ADGRV1: variants seen among roughly 807,000 people sequenced by gnomAD.
The protein encoded by ADGRV1 is adhesion G protein-coupled receptor V1.
In ADGRV1, 359 loss-of-function variants were observed where a neutral mutation model predicts 596.2. The observed-to-expected ratio is 0.60, with a 90% CI of 0.55 to 0.66. ADGRV1 has a LOEUF of 0.66. Among genes scored for constraint, ADGRV1 ranks in the 30% least tolerant of loss-of-function variants. The pLI is 0.00. For missense variants in ADGRV1, 7,274 were observed against 7,575.6 expected (o/e 0.96, Z 1.48); for synonymous variants, 2,681 against 2,679.2 (o/e 1.00, Z -0.02).
chr5:91,083,090 T>G (rs1789545090), intron 86 of ADGRV1, among the ~76,000 whole-genome samples: 1 of 152,060 alleles, frequency 6.6e-6, no homozygotes, highest in Middle Eastern at 3.2e-3. Context: ...GAATCATAAA[T>G]TTCTTTAAAA....
intron 87 of ADGRV1, among the ~76,000 whole-genome samples, chr5:91,120,126 T>C (rs1793179911): frequency 6.6e-6 from 1 of 152,192 alleles, no homozygotes; most frequent in African/African-American, 2.4e-5. Context: ...GCAAACTCCT[T>C]TGTCTACAAA....
chr5:90,838,943 CAT>C (rs1216560159), intron 77 of ADGRV1, among the ~76,000 whole-genome samples: 1 of 152,162 alleles, frequency 6.6e-6, no homozygotes, highest in African/African-American at 2.4e-5. Flanking sequence ...TGCTTCTACT[CAT>C]GTGTATTTCT....
At chr5:91,143,185 C>T (rs1476972780) in intron 87 of ADGRV1, among the ~76,000 whole-genome samples, 1 of 152,216 alleles carries the variant, frequency 6.6e-6, no homozygotes, top group African/African-American at 2.4e-5. Flanking sequence ...TTGGAAATGC[C>T]AGGACCTGCA....
intron 85 of ADGRV1, among the ~76,000 whole-genome samples, chr5:91,014,086 C>A (rs1195544014): frequency 6.9e-6 from 1 of 145,134 alleles, no homozygotes; most frequent in African/African-American, 2.6e-5. Flanking sequence ...TATACCAGTA[C>A]CATGCTGTTT....
At chr5:90,996,619 C>G (rs1781442485) in intron 85 of ADGRV1, among the ~76,000 whole-genome samples, 1 of 152,158 alleles carries the variant, frequency 6.6e-6, no homozygotes, top group African/African-American at 2.4e-5. Flanking sequence ...GGGACACTGC[C>G]TAGTGGAGCT....
intron 84 of ADGRV1, among the ~76,000 whole-genome samples, chr5:90,968,392 C>G (rs550002016): frequency 5.9e-5 from 9 of 152,074 alleles, no homozygotes; most frequent in South Asian, 4.2e-4. Flanking sequence ...AAGATTTCAC[C>G]CAAGTTAATG....
chr5:90,894,428 G>T (rs1190567291), intron 83 of ADGRV1, among the ~76,000 whole-genome samples: 1 of 152,182 alleles, frequency 6.6e-6, no homozygotes, highest in Non-Finnish European at 1.5e-5. Flanking sequence ...CATATAAAAT[G>T]AGTAGGTGAA....
At chr5:91,048,234 C>T (rs1175124156) in intron 85 of ADGRV1, among the ~76,000 whole-genome samples, 3 of 152,230 alleles carry the variant, frequency 2.0e-5, no homozygotes, top group Non-Finnish European at 4.4e-5. Flanking sequence ...TTTGCACAAT[C>T]TCTAGCAACT....
chr5:90,559,156 C>T (rs973426725), intron 1 of ADGRV1, among the ~76,000 whole-genome samples: 2 of 152,124 alleles, frequency 1.3e-5, no homozygotes, highest in Admixed American at 6.5e-5. Context: ...TCCTGCACCC[C>T]CTACCCGCCC....
chr5:90,823,362 A>G, intron 75 of ADGRV1, 63 bp from the exon 76 acceptor site: 1 of 1,499,446 alleles, frequency 6.7e-7, no homozygotes, highest in Non-Finnish European at 9.2e-7. Context: ...ATTTGATAAT[A>G]AACTCTATTA....
intron 83 of ADGRV1, among the ~76,000 whole-genome samples, chr5:90,937,928 C>T (rs1775852032): frequency 6.6e-6 from 1 of 152,090 alleles, no homozygotes; most frequent in South Asian, 2.1e-4. Context: ...CAGATTGTTT[C>T]ATAAAGTTAA....
At chr5:90,848,580 ATAATT>A in intron 78 of ADGRV1, 52 bp from the exon 79 acceptor site, 4 of 1,008,340 alleles carry the variant, frequency 4.0e-6, no homozygotes. Flanking sequence ...TGTATAGCAT[ATAATT>A]TAAGAAATTT....
chr5:90,866,852 T>C (rs1768169783), intron 83 of ADGRV1, among the ~76,000 whole-genome samples: 1 of 152,150 alleles, frequency 6.6e-6, no homozygotes, highest in Non-Finnish European at 1.5e-5. Context: ...GATAAAGGTC[T>C]CTATTTTCAG....
chr5:90,728,719 C>T lies in ADGRV1; in HGVS notation c.10212C>T (p.Val3404=). 6.2e-7 allele frequency: 1 copy of T among 1,613,636 alleles called. No individual in the cohort carries two copies. Among genetic ancestry groups the T allele is most frequent in the Admixed American group, 1.7e-5 (1 of 59,996 alleles). ...GSFVLHQKLP[V]RGVLTVALFN... ...TCGTGTTGCATCAAAAACTCCCTGT[C>T]CGAGGTGTGCTGACCGTGGCCTTGT... Residue 3404 remains valine (V), a synonymous_variant, in exon 49 of 90, where the codon GTC becomes GTT. Transcript: ENST00000405460.
At chr5:90,962,839 T>A (rs1343104261) in intron 83 of ADGRV1, among the ~76,000 whole-genome samples, 2 of 152,188 alleles carry the variant, frequency 1.3e-5, no homozygotes, top group African/African-American at 2.4e-5. Context: ...TAATAAAATA[T>A]CAAATCATAG....
chr5:90,797,287 C>CAAAAAAAAAAAAA (rs780696194), intron 70 of ADGRV1, among the ~76,000 whole-genome samples: 27 of 26,348 alleles, frequency 1.0e-3, no homozygotes, highest in South Asian at 2.1e-3. Context: ...AAATGAAAAG[C>CAAAAAAAAAAAAA]AAAAAAAAAA....
intron 83 of ADGRV1, among the ~76,000 whole-genome samples, chr5:90,948,575 A>C (rs543836920): frequency 4.9e-4 from 75 of 152,212 alleles, no homozygotes; most frequent in African/African-American, 1.8e-3. Flanking sequence ...GTCCCATAGA[A>C]AACAAGTAGG....
In ADGRV1 at chr5:91,094,290, C is replaced by G. The variant is rs1016785986; in HGVS notation, c.18311-7929C>G. On this transcript the variant is annotated intron_variant, in intron 86 of 89. Coordinates refer to ENST00000405460, the MANE Select transcript of ADGRV1 (RefSeq NM_032119.4). The stretch of plus-strand genomic sequence containing the variant: ...CCTGGCCAACATGATAAAACCCCAT[C>G]TCTACTAAAAACACAAAAATTAGCT... Among the ~76,000 whole-genome samples, 3 of 151,964 alleles carry G rather than the reference C, an allele frequency of 2.0e-5. No individual in the cohort carries two copies. The East Asian group carries it at 5.9e-4, about 30-fold the overall frequency.
At chr5:91,094,772 T>G (rs1790707541) in intron 86 of ADGRV1, among the ~76,000 whole-genome samples, 1 of 152,144 alleles carries the variant, frequency 6.6e-6, no homozygotes, top group African/African-American at 2.4e-5. Flanking sequence ...GGATACTAAA[T>G]TCAGCTGTGG....
Sources: gnomAD v4.1 joint callset for allele counts (sites outside exome capture counted in the v4.1 genomes callset) on GRCh38, gnomAD v4.1.1 for gene constraint, MANE v1.5 for transcripts, NCBI Gene and HGNC (gene_info 2026-07-23, HGNC 2026-07-21) for gene names.